GRM5: variants seen among roughly 807,000 people sequenced by gnomAD.
GRM5 encodes the protein glutamate metabotropic receptor 5.
In GRM5, 19 loss-of-function variants were observed where a neutral mutation model predicts 83.1. The observed-to-expected ratio is 0.23, with a 90% confidence interval of 0.16 to 0.34. The LOEUF (loss-of-function observed/expected upper bound fraction) is 0.34, where lower values mean the gene tolerates loss of function less well. Among genes scored for constraint, GRM5 ranks in the 10% least tolerant of loss-of-function variants. The probability of loss-of-function intolerance (pLI) is 1.00; values close to 1 mark genes in which losing one functional copy is unlikely to be tolerated. For synonymous variants in GRM5, 675 were observed against 633.6 expected (o/e 1.07, Z -0.98); for missense variants, 1,160 against 1,588.3 (o/e 0.73, Z 4.58).
chr11:88,532,032 C>T (rs1048333353), intron 8 of GRM5, among the ~76,000 whole-genome samples: 2 of 152,020 alleles, frequency 1.3e-5, no homozygotes, highest in African/African-American at 4.8e-5. Context: ...TGCTATAATG[C>T]TTTAAACTAT....
intron 2 of GRM5, among the ~76,000 whole-genome samples, chr11:88,965,901 C>A (rs145463518): frequency 6.6e-6 from 1 of 152,058 alleles, no homozygotes; most frequent in South Asian, 2.1e-4. Context: ...ACTACTTGAT[C>A]TAAGTGACAT....
At chr11:88,794,320 G>T (rs919284917) in intron 3 of GRM5, among the ~76,000 whole-genome samples, 2 of 152,000 alleles carry the variant, frequency 1.3e-5, no homozygotes, top group African/African-American at 4.8e-5. Flanking sequence ...AGTAATATGA[G>T]TTATTTCACT....
intron 2 of GRM5, among the ~76,000 whole-genome samples, chr11:88,851,143 C>T (rs181005610): frequency 7.2e-6 from 1 of 138,412 alleles, no homozygotes; most frequent in Admixed American, 7.4e-5. Context: ...TCTCAGAATT[C>T]TAATTACATC....
chr11:88,993,383 C>T (rs1054107255), intron 2 of GRM5, among the ~76,000 whole-genome samples: 21 of 152,008 alleles, frequency 1.4e-4, no homozygotes, highest in Non-Finnish European at 5.9e-5. Context: ...TTCTTGGTAC[C>T]CTTATTAAAG....
chr11:88,563,339 A>G (rs1043332258), intron 8 of GRM5, among the ~76,000 whole-genome samples: 1 of 152,186 alleles, frequency 6.6e-6, no homozygotes, highest in Non-Finnish European at 1.5e-5. Flanking sequence ...ATCTGTGTAC[A>G]TACACCTTTC....
chr11:89,000,425 A>G (rs1240401703), intron 2 of GRM5, among the ~76,000 whole-genome samples: 1 of 152,162 alleles, frequency 6.6e-6, no homozygotes, highest in African/African-American at 2.4e-5. Context: ...AATATGCCCA[A>G]CTGATTTTTG....
chr11:88,964,527 C>G (rs958880980), intron 2 of GRM5, among the ~76,000 whole-genome samples: 1 of 152,118 alleles, frequency 6.6e-6, no homozygotes, highest in South Asian at 2.1e-4. Context: ...GCTGTGGTCA[C>G]AGGACAGCCA....
intron 4 of GRM5, among the ~76,000 whole-genome samples, chr11:88,605,433 A>G (rs1413263925): frequency 6.6e-6 from 1 of 151,832 alleles, no homozygotes; most frequent in African/African-American, 2.4e-5. Context: ...ATTTAGATTT[A>G]TCACCCAGTA....
intron 3 of GRM5, among the ~76,000 whole-genome samples, chr11:88,793,673 T>C (rs534469810): frequency 1.8e-4 from 27 of 152,158 alleles, no homozygotes; most frequent in Non-Finnish European, 3.2e-4. Flanking sequence ...TACATAATTT[T>C]CCAGAACTAT....
intron 2 of GRM5, among the ~76,000 whole-genome samples, chr11:88,894,520 T>C (rs920451084): frequency 6.6e-6 from 1 of 151,944 alleles, no homozygotes; most frequent in Non-Finnish European, 1.5e-5. Context: ...ACTTTCTCTT[T>C]GGTCCCACCA....
intron 1 of GRM5, among the ~76,000 whole-genome samples, chr11:89,061,029 A>G (rs1281791305): frequency 6.6e-6 from 1 of 152,136 alleles, no homozygotes; most frequent in Non-Finnish European, 1.5e-5. Flanking sequence ...GTAATAATAC[A>G]TCTTCAATAT....
intron 3 of GRM5, among the ~76,000 whole-genome samples, chr11:88,728,591 G>T (rs1480993710): frequency 1.3e-5 from 2 of 151,990 alleles, no homozygotes; most frequent in African/African-American, 4.8e-5. Context: ...TTTCAGGCCA[G>T]TATCCCTGAG....
At chr11:88,821,209 C>A (rs946899862) in intron 3 of GRM5, among the ~76,000 whole-genome samples, 9 of 151,910 alleles carry the variant, frequency 5.9e-5, no homozygotes, top group Admixed American at 3.3e-4. Flanking sequence ...TGAGAGCAAA[C>A]CATTAAAAAC....
At chr11:88,513,020 A>C (rs1256388793) in intron 9 of GRM5, among the ~76,000 whole-genome samples, 1 of 152,142 alleles carries the variant, frequency 6.6e-6, no homozygotes, top group Non-Finnish European at 1.5e-5. Flanking sequence ...ATTAAATTCC[A>C]AATTAACCTT....
At chr11:89,023,773 C>T (rs1201016838) in intron 2 of GRM5, among the ~76,000 whole-genome samples, 1 of 151,684 alleles carries the variant, frequency 6.6e-6, no homozygotes, top group African/African-American at 2.4e-5. Context: ...TTGCTTGAAC[C>T]CAGGAGGCGG....
intron 2 of GRM5, among the ~76,000 whole-genome samples, chr11:88,895,912 A>G (rs1317493543): frequency 6.6e-6 from 1 of 151,980 alleles, no homozygotes; most frequent in African/African-American, 2.4e-5. Flanking sequence ...ACGTATGTTT[A>G]CTAGTAAAAA....
chr11:88,923,411 A>C (rs1459518216), intron 2 of GRM5, among the ~76,000 whole-genome samples: 1 of 152,178 alleles, frequency 6.6e-6, no homozygotes, highest in African/African-American at 2.4e-5. Flanking sequence ...CGTGGATGGA[A>C]CTGGAAGACA....
intron 2 of GRM5, among the ~76,000 whole-genome samples, chr11:88,978,907 C>T (rs1467147504): frequency 3.9e-5 from 6 of 152,170 alleles, no homozygotes; most frequent in African/African-American, 1.4e-4. Flanking sequence ...GGATTCCTAA[C>T]TTCAATTTGT....
At chr11:88,919,946 G>GTTT (rs1429194480) in intron 2 of GRM5, among the ~76,000 whole-genome samples, 2 of 151,750 alleles carry the variant, frequency 1.3e-5, no homozygotes, top group East Asian at 3.9e-4. Flanking sequence ...ACATTAAAAA[G>GTTT]GCATATAAAT....
Sources: gnomAD v4.1 joint callset for allele counts (sites outside exome capture counted in the v4.1 genomes callset) on GRCh38, gnomAD v4.1.1 for gene constraint, MANE v1.5 for transcripts, NCBI Gene and HGNC (gene_info 2026-07-23, HGNC 2026-07-21) for gene names.